Variants in CC2D2A observed in about 807,000 individuals in gnomAD.
CC2D2A encodes the protein coiled-coil and C2 domain containing 2A, also known as coiled-coil and C2 domain-containing protein 2A.
Under a neutral mutation model 212.9 loss-of-function variants are expected in CC2D2A, and 155 were observed. The observed-to-expected ratio is 0.73, with a 90% CI of 0.64 to 0.83. CC2D2A has a LOEUF of 0.83. CC2D2A is among the 40% of genes least tolerant of loss of function. The pLI, the probability that CC2D2A is intolerant of heterozygous loss-of-function variation, is 0.00. For missense variants in CC2D2A, 1,856 were observed against 1,956.2 expected (o/e 0.95, Z 0.97); for synonymous variants, 667 against 686.5 (o/e 0.97, Z 0.44).
At chr4:15,530,367 T>C (rs1717784553) in intron 13 of CC2D2A, among the ~76,000 whole-genome samples, 1 of 152,138 alleles carries the variant, frequency 6.6e-6, no homozygotes, top group South Asian at 2.1e-4. Flanking sequence ...TAACCTATAA[T>C]TGCAAAAATA....
At chr4:15,541,181 T>A (rs901473203) in intron 17 of CC2D2A, among the ~76,000 whole-genome samples, 167 bp downstream of exon 17, 8 of 150,476 alleles carry the variant, frequency 5.3e-5, no homozygotes, top group Admixed American at 5.3e-4. Context: ...TAGCCAAGTG[T>A]GCTGGCGGGT....
intron 12 of CC2D2A, among the ~76,000 whole-genome samples, chr4:15,527,897 C>T (rs901271727): frequency 1.3e-5 from 2 of 152,220 alleles, no homozygotes; most frequent in African/African-American, 2.4e-5. Flanking sequence ...GTAAACAGTA[C>T]AGCACCCACC....
intron 6 of CC2D2A, among the ~76,000 whole-genome samples, chr4:15,509,553 C>T (rs1716443289): frequency 2.6e-5 from 4 of 152,188 alleles, no homozygotes; most frequent in African/African-American, 7.2e-5. Context: ...GGAGTTCAAG[C>T]ATGAGCCACT....
chr4:15,548,370 G>T (rs968591532), intron 17 of CC2D2A, among the ~76,000 whole-genome samples: 1 of 151,998 alleles, frequency 6.6e-6, no homozygotes, highest in Non-Finnish European at 1.5e-5. Context: ...CACCCTTTAT[G>T]TGATCACTTA....
intron 20 of CC2D2A, among the ~76,000 whole-genome samples, chr4:15,555,762 C>T (rs933248475): frequency 1.3e-5 from 2 of 152,088 alleles, no homozygotes; most frequent in African/African-American, 4.8e-5. Flanking sequence ...AACAAAACCC[C>T]TTTATCTGGG....
chr4:15,480,918 T>C lies in CC2D2A; in HGVS notation c.247+91T>C. 5 of 1,452,598 alleles carry C rather than the reference T, an allele frequency of 3.4e-6. No homozygotes were observed. The East Asian group carries it at 9.6e-5, about 28-fold the overall frequency. The allele number at this position is 1,452,598 out of a possible 1,614,324, so 90.0% of individuals were successfully genotyped here. A position where few individuals can be genotyped will look rare whatever the true frequency, so the allele number is the denominator to read the frequency against. Reference sequence around the variant, plus strand: ...GTATAGGGATTTTTTATGGGTGTTATTTTTCATGCATTGCCACTGCTGCTC... The same window carrying C: ...GTATAGGGATTTTTTATGGGTGTTACTTTTCATGCATTGCCACTGCTGCTC... On this transcript the variant is annotated intron_variant, in intron 4 of 36. Transcript: ENST00000424120.
chr4:15,557,596 T>A (rs1038760640), intron 21 of CC2D2A, 89 bp downstream of exon 21: 1 of 810,872 alleles, frequency 1.2e-6, no homozygotes, highest in Non-Finnish European at 1.8e-6. Context: ...TTGTTTTTGT[T>A]ATGTTGTCAC....
intron 24 of CC2D2A, 92 bp from the exon 25 acceptor site, chr4:15,567,285 G>A (rs1331376794): frequency 2.0e-6 from 2 of 979,248 alleles, no homozygotes; most frequent in Non-Finnish European, 3.1e-6. Context: ...GCGACAGAGT[G>A]AGACCCTATC....
intron 33 of CC2D2A, 55 bp downstream of exon 33, chr4:15,589,734 C>G (rs1027530151): frequency 1.6e-6 from 2 of 1,254,486 alleles, no homozygotes; most frequent in Admixed American, 6.5e-5. Context: ...TTTTAAATAA[C>G]TGACCTATTG....
At chr4:15,516,981 G>T (rs932054916) in intron 11 of CC2D2A, among the ~76,000 whole-genome samples, 1 of 121,828 alleles carries the variant, frequency 8.2e-6, no homozygotes, top group Non-Finnish European at 1.6e-5. Context: ...ACGGAGTCTC[G>T]CTGTCGCCCA....
chr4:15,572,862 C>G (rs1310393256), intron 28 of CC2D2A, among the ~76,000 whole-genome samples: 1 of 152,086 alleles, frequency 6.6e-6, no homozygotes, highest in African/African-American at 2.4e-5. Context: ...GGCCCTAGAT[C>G]CCCTAGCAAA....
chr4:15,541,093 C>T (rs917870021), intron 17 of CC2D2A, 79 bp downstream of exon 17: 54 of 1,197,020 alleles, frequency 4.5e-5, no homozygotes, highest in Non-Finnish European at 5.3e-5. Context: ...GGGCAGATCA[C>T]TTAAGGCCAG....
At chr4:15,511,755 G>A (rs1397295681) in intron 8 of CC2D2A, 8 of 159,324 alleles carry the variant, frequency 5.0e-5, no homozygotes, top group Non-Finnish European at 1.1e-4. Context: ...TCCTCTGCAA[G>A]GCAAATGAAA....
intron 33 of CC2D2A, 69 bp downstream of exon 33, chr4:15,589,748 T>A: frequency 1.8e-6 from 2 of 1,123,278 alleles, no homozygotes; most frequent in Non-Finnish European, 2.3e-6. Context: ...CCTATTGATT[T>A]AAATATTTTA....
At chr4:15,569,636 T>G (rs1310396816) in intron 27 of CC2D2A, among the ~76,000 whole-genome samples, 1 of 152,218 alleles carries the variant, frequency 6.6e-6, no homozygotes, top group South Asian at 2.1e-4. Context: ...AGAGGAAGAA[T>G]GCATTTACCC....
At chr4:15,545,680 G>A (rs1279371640) in intron 17 of CC2D2A, among the ~76,000 whole-genome samples, 1 of 151,050 alleles carries the variant, frequency 6.6e-6, no homozygotes, top group Non-Finnish European at 1.5e-5. Context: ...AGCCAGGAGT[G>A]AGGGGATGGG....
chr4:15,589,553 T>C lies in CC2D2A; in HGVS notation c.4188T>C (p.Thr1396=). The C allele has an allele frequency of 6.2e-7, 1 of 1,612,070 alleles. No homozygotes were observed. The highest frequency in any genetic ancestry group is 2.2e-5 in the East Asian group (1 of 44,814). The change falls in exon 33 of 37, where the codon ACT becomes ACC. Residue 1396 remains threonine (T), a synonymous_variant. Transcript: ENST00000424120. ...TGGCCATCTTCTTTCAGGGTCCAAC[T>C]GCCTATGTGCTAACTTGGGAGCAAG... ...LMGNAIPEGP[T]AYVLTWEQGR... is the part of the protein sequence containing the mutation.
chr4:15,475,834 C>T (rs187337829), intron 1 of CC2D2A, 81 bp from the exon 2 acceptor site: 69 of 1,137,230 alleles, frequency 6.1e-5, no homozygotes, highest in Non-Finnish European at 8.3e-5. Flanking sequence ...CCATCATGGC[C>T]AGCCTCTTAC....
In CC2D2A at chr4:15,553,168, C is replaced by A. The variant is rs1404533630; in HGVS notation, c.2349C>A (p.Phe783Leu). 1 of 1,601,316 alleles carries A rather than the reference C, an allele frequency of 6.2e-7. No homozygotes were observed. ...DHEGVGSGVP[F>L]SFEADGSNQL... ...CTGGTGTTTCCCCAGGAGTGCCCTT[C>A]TCATTTGAAGCTGATGGCAGTAACC... The change falls in exon 19 of 37, where the codon TTC becomes TTA. Residue 783 changes from phenylalanine (F) to leucine (L), a missense_variant. By Grantham distance (22) the Phe-to-Leu change is conservative (BLOSUM62 0). This residue lies in a region of CC2D2A where 1,512 missense variants were observed against 1,579.3 expected (regional missense o/e 0.96). Coordinates refer to ENST00000424120, the MANE Select transcript of CC2D2A (RefSeq NM_001378615.1).
Sources: allele counts gnomAD v4.1 joint callset (sites outside exome capture counted in the v4.1 genomes callset), GRCh38; gene constraint gnomAD v4.1.1; regional missense constraint gnomAD v4.1.1; transcripts MANE v1.5; gene names NCBI Gene and HGNC (gene_info 2026-07-23, HGNC 2026-07-21).